Variants in NOVA2 observed in about 807,000 individuals in gnomAD.
NOVA2 encodes RNA-binding protein Nova-2.
NOVA2 carries 9 observed loss-of-function variants against 22.5 expected under a neutral mutation model. The observed-to-expected ratio is 0.40, with a 90% CI of 0.24 to 0.70. NOVA2 has a LOEUF of 0.70. Among genes scored for constraint, NOVA2 ranks in the 30% least tolerant of loss-of-function variants. NOVA2 has a pLI of 0.38. For missense variants in NOVA2, 383 were observed against 682.8 expected, an observed-to-expected ratio of 0.56 and a Z score of 4.89; for synonymous variants, 318 against 335.2, an observed-to-expected ratio of 0.95 and a Z score of 0.56.
chr19:45,965,622 C>A (rs906477100), intron 1 of NOVA2, among the ~76,000 whole-genome samples: 1 of 151,944 alleles, frequency 6.6e-6, no homozygotes, highest in Non-Finnish European at 1.5e-5. Flanking sequence ...CCCAGCTACT[C>A]GGGAGGCTGG....
At chr19:45,955,795 T>C (rs1568667630) in intron 2 of NOVA2, among the ~76,000 whole-genome samples, 1 of 151,390 alleles carries the variant, frequency 6.6e-6, no homozygotes, top group African/African-American at 2.4e-5. Context: ...GAGGCGGAGG[T>C]TGCAGTGAGC....
intron 1 of NOVA2, among the ~76,000 whole-genome samples, chr19:45,972,143 C>T (rs140725462): frequency 1.2e-4 from 18 of 152,116 alleles, no homozygotes; most frequent in Middle Eastern, 3.4e-3. Context: ...CATATGCACA[C>T]GTGCCCTGTC....
chr19:45,946,084 C>T (rs545243380), intron 3 of NOVA2, among the ~76,000 whole-genome samples: 1 of 150,640 alleles, frequency 6.6e-6, no homozygotes, highest in South Asian at 2.1e-4. Flanking sequence ...GTGGGCAGAT[C>T]GCTTGAGCTC....
chr19:45,966,962 A>G (rs1366673782), intron 1 of NOVA2, among the ~76,000 whole-genome samples: 3 of 152,234 alleles, frequency 2.0e-5, no homozygotes, highest in Non-Finnish European at 2.9e-5. Context: ...TCTCCCTAAC[A>G]TACATTAATA....
chr19:45,973,493 C>G lies in NOVA2; in HGVS notation c.-142G>C, dbSNP rs1159931354. On this transcript the variant is annotated 5_prime_UTR_variant, in exon 1 of 4. Transcript: ENST00000263257. Reference sequence around the variant, plus strand: ...GCGGGGGCGGCGGCGGCTGCGGGGCCGCGGAGGCCGTGAAGAGGCCGTGCA... The same window carrying G: ...GCGGGGGCGGCGGCGGCTGCGGGGCGGCGGAGGCCGTGAAGAGGCCGTGCA... The G allele has an allele frequency of 3.3e-5, 4 of 122,720 alleles. No homozygotes were observed. The Admixed American group carries it at 3.3e-4, about 10-fold the overall frequency. The allele number at this position is 122,720 out of a possible 1,614,324, so 7.6% of individuals were successfully genotyped here.
intron 3 of NOVA2, among the ~76,000 whole-genome samples, chr19:45,950,746 A>G (rs1967912530): frequency 6.6e-6 from 1 of 152,200 alleles, no homozygotes; most frequent in Non-Finnish European, 1.5e-5. Context: ...TTGCAAGCCC[A>G]TGGAAATTTG....
At chr19:45,970,444 C>T (rs1350702600) in intron 1 of NOVA2, among the ~76,000 whole-genome samples, 7 of 150,704 alleles carry the variant, frequency 4.6e-5, no homozygotes, top group African/African-American at 1.2e-4. Context: ...GGTGCGATCT[C>T]GGCTCACTAA....
chr19:45,968,595 G>A (rs2341636), intron 1 of NOVA2, among the ~76,000 whole-genome samples: 116,591 of 149,610 alleles, frequency 0.78, 45,558 homozygotes, highest in East Asian at 0.87. Flanking sequence ...TAATAATAAT[G>A]ATGATGATGA....
chr19:45,951,723 G>T (rs576242166), intron 3 of NOVA2, among the ~76,000 whole-genome samples: 2 of 152,198 alleles, frequency 1.3e-5, no homozygotes, highest in African/African-American at 4.8e-5. Flanking sequence ...CTTGAGCCTG[G>T]GATGTCGAGG....
chr19:45,970,681 T>C (rs1012065763), intron 1 of NOVA2, among the ~76,000 whole-genome samples: 5 of 152,096 alleles, frequency 3.3e-5, no homozygotes, highest in African/African-American at 1.2e-4. Flanking sequence ...CAGCCCCTTA[T>C]GGTCATTTTT....
At chr19:45,953,694 A>G in intron 3 of NOVA2, 86 bp downstream of exon 3, 1 of 1,512,456 alleles carries the variant, frequency 6.6e-7, no homozygotes, top group Non-Finnish European at 9.1e-7. Flanking sequence ...GTCCCATTGA[A>G]CCTCACAGTA....
At chr19:45,948,776 C>T (rs1967880111) in intron 3 of NOVA2, among the ~76,000 whole-genome samples, 1 of 152,026 alleles carries the variant, frequency 6.6e-6, no homozygotes, top group Non-Finnish European at 1.5e-5. Context: ...CCCAACAATT[C>T]CACCCTAGGT....
intron 2 of NOVA2, among the ~76,000 whole-genome samples, chr19:45,954,313 GC>G (rs1020228707): frequency 1.3e-5 from 2 of 152,090 alleles, no homozygotes; most frequent in African/African-American, 4.8e-5. Context: ...CACTCACTCC[GC>G]CCCCCTCCCC....
intron 1 of NOVA2, among the ~76,000 whole-genome samples, chr19:45,969,959 G>T (rs1342474121): frequency 6.6e-6 from 1 of 152,140 alleles, no homozygotes; most frequent in African/African-American, 2.4e-5. Context: ...TGTCCAGTAG[G>T]CCACTGCTTG....
chr19:45,959,823 A>G (rs1330901267), intron 2 of NOVA2, among the ~76,000 whole-genome samples: 3 of 146,666 alleles, frequency 2.0e-5, no homozygotes, highest in African/African-American at 7.6e-5. Context: ...ACAGAGAGGG[A>G]GAGAGAGAGA....
intron 3 of NOVA2, among the ~76,000 whole-genome samples, chr19:45,948,635 A>G (rs991441072): frequency 3.3e-5 from 5 of 151,620 alleles, no homozygotes; most frequent in Non-Finnish European, 5.9e-5. Context: ...AAAAGAAAAG[A>G]AAAAGAAATG....
chr19:45,954,855 G>GGTGTGTGTGTGT (rs10598680), intron 2 of NOVA2, among the ~76,000 whole-genome samples: 2 of 144,696 alleles, frequency 1.4e-5, no homozygotes, highest in Non-Finnish European at 3.0e-5. Flanking sequence ...GCTGGTGAGT[G>GGTGTGTGTGTGT]GTGTGTGTGT....
At chr19:45,953,518 GAAC>G (rs1489698572) in intron 3 of NOVA2, among the ~76,000 whole-genome samples, 1 of 152,106 alleles carries the variant, frequency 6.6e-6, no homozygotes, top group African/African-American at 2.4e-5. Context: ...AGAAAGGATC[GAAC>G]AATAGGGAAT....
chr19:45,938,132 G>C lies in NOVA2; in HGVS notation c.*1731C>G, dbSNP rs915905182. On this transcript the variant is annotated 3_prime_UTR_variant, in exon 4 of 4. Transcript: ENST00000263257. Reference sequence around the variant, plus strand: ...GTGGAGGTGGTCTCCAAGGAAGAGAGGGAGATGGGTGGGGGTAGAGGGAGG... The same window carrying C: ...GTGGAGGTGGTCTCCAAGGAAGAGACGGAGATGGGTGGGGGTAGAGGGAGG... 1 of 152,208 alleles carries C rather than the reference G, an allele frequency of 6.6e-6. No homozygotes were observed. The highest frequency in any genetic ancestry group is 6.5e-5 in the Admixed American group (1 of 15,286). The allele number at this position is 152,208 out of a possible 1,614,324, so 9.4% of individuals were successfully genotyped here. A position where few individuals can be genotyped will look rare whatever the true frequency, so the allele number is the denominator to read the frequency against.
Sources: allele counts gnomAD v4.1 joint callset (sites outside exome capture counted in the v4.1 genomes callset), GRCh38; gene constraint gnomAD v4.1.1; transcripts MANE v1.5; gene names NCBI Gene and HGNC (gene_info 2026-07-23, HGNC 2026-07-21).